TRDN: variants seen among roughly 807,000 people sequenced by gnomAD.
TRDN encodes the protein triadin, also known as triadin in skeletal muscle.
In TRDN, 161 loss-of-function variants were observed where a neutral mutation model predicts 149.7. The ratio of observed to expected loss-of-function variants is 1.08; its 90% CI spans 0.95 to 1.23. The LOEUF (loss-of-function observed/expected upper bound fraction) is 1.23. TRDN is among the 50% of genes most tolerant of loss of function. The pLI is 0.00. For missense variants in TRDN, 896 were observed against 823.5 expected, an observed-to-expected ratio of 1.09 and a Z score of -1.08; for synonymous variants, 294 against 250.5, an observed-to-expected ratio of 1.17 and a Z score of -1.64.
At chr6:123,226,144 T>A (rs1775354405) in intron 38 of TRDN, among the ~76,000 whole-genome samples, 1 of 151,820 alleles carries the variant, frequency 6.6e-6, no homozygotes, top group Admixed American at 6.6e-5. Flanking sequence ...GTAAATAATA[T>A]TTAAACATAG....
At position 123,625,466 on chromosome 6, in the gene TRDN, T is replaced by A. The variant is rs1279496007; in HGVS notation, c.22+11288A>T. 2.0e-5 allele frequency among the ~76,000 whole-genome samples: 3 copies of A among 152,158 alleles called. No individual in the cohort carries two copies. In the East Asian group the frequency reaches 5.8e-4, roughly 29 times the overall value. On this transcript the variant is annotated intron_variant, in intron 1 of 40. Coordinates refer to ENST00000334268, the MANE Select transcript of TRDN (RefSeq NM_006073.4). Reference sequence around the variant, plus strand: ...GCAGTGTAAGACCTTAATTTAAAAATACTTTGTTGGTGGGGATGGTTAATG... The same window carrying A: ...GCAGTGTAAGACCTTAATTTAAAAAAACTTTGTTGGTGGGGATGGTTAATG...
Position 123,254,311 on chromosome 6 carries a change from C to T in TRDN, c.1951+770G>A, listed in dbSNP as rs1024736154. Among the ~76,000 whole-genome samples, 8 of 151,868 alleles carry T rather than the reference C, an allele frequency of 5.3e-5. No homozygotes were observed. In the South Asian group the frequency reaches 1.5e-3, roughly 28 times the overall value. On this transcript the variant is annotated intron_variant, in intron 37 of 40. Coordinates refer to ENST00000334268, the MANE Select transcript of TRDN (RefSeq NM_006073.4). ...AATTATGAATACATTAATAATTTTACGTGTGAAAGGTATGTCTAGATATGT... is the reference window on the plus strand; with the variant it reads ...AATTATGAATACATTAATAATTTTATGTGTGAAAGGTATGTCTAGATATGT...
chr6:123,459,664 A>G (rs943650438), intron 10 of TRDN, among the ~76,000 whole-genome samples: 4 of 152,196 alleles, frequency 2.6e-5, no homozygotes, highest in Non-Finnish European at 5.9e-5. Context: ...CAGGGACCCC[A>G]ATACACCCAG....
intron 1 of TRDN, among the ~76,000 whole-genome samples, chr6:123,632,117 T>G (rs1374673762): frequency 6.6e-6 from 1 of 152,074 alleles, no homozygotes; most frequent in Non-Finnish European, 1.5e-5. Flanking sequence ...ACTTTTTACA[T>G]TTCTTTTCAT....
chr6:123,457,950 T>G (rs1404507146), intron 10 of TRDN, among the ~76,000 whole-genome samples: 1 of 152,174 alleles, frequency 6.6e-6, no homozygotes, highest in African/African-American at 2.4e-5. Flanking sequence ...TACTAAATCC[T>G]ACTAGTAAAT....
chr6:123,235,443 G>T (rs1399254422), intron 38 of TRDN, among the ~76,000 whole-genome samples: 1 of 152,066 alleles, frequency 6.6e-6, no homozygotes, highest in Non-Finnish European at 1.5e-5. Flanking sequence ...GAGCAAGACA[G>T]GGTCAGTAAA....
At chr6:123,534,210 A>T (rs770013729) in intron 4 of TRDN, among the ~76,000 whole-genome samples, 7 of 152,184 alleles carry the variant, frequency 4.6e-5, no homozygotes, top group African/African-American at 7.2e-5. Context: ...AACTATTTTT[A>T]ACTGAAATAT....
At position 123,259,002 on chromosome 6, in the gene TRDN, A is replaced by G. The variant is rs1776658887; in HGVS notation, c.1870+622T>C. On this transcript the variant is annotated intron_variant, in intron 35 of 40. Transcript: ENST00000334268. ...GGTGATATCCCCTTTGTTATTTTTT[A>G]TTGTGTCTATTTGATTCTTCTCTCT... 2.0e-5 allele frequency among the ~76,000 whole-genome samples: 3 copies of G among 151,620 alleles called. No homozygotes were observed. In the South Asian group the frequency reaches 6.3e-4, roughly 32 times the overall value.
intron 38 of TRDN, among the ~76,000 whole-genome samples, chr6:123,229,147 AT>A (rs1316235777): frequency 6.6e-6 from 1 of 151,880 alleles, no homozygotes; most frequent in East Asian, 1.9e-4. Flanking sequence ...CAGTGAATCC[AT>A]CCTCCTATCC....
intron 23 of TRDN, among the ~76,000 whole-genome samples, chr6:123,320,745 TTA>T (rs1307774999): frequency 5.9e-5 from 9 of 152,132 alleles, no homozygotes; most frequent in Admixed American, 5.3e-4. Context: ...TCTGTCTATA[TTA>T]TCTATGTTGT....
At position 123,273,058 on chromosome 6, in the gene TRDN, G is replaced by C. The variant is rs748754422; in HGVS notation, c.1625-47C>G. On this transcript the variant is annotated intron_variant, in intron 28 of 40. Coordinates refer to ENST00000334268, the MANE Select transcript of TRDN (RefSeq NM_006073.4). ...TCTTTTTTAGGTATTTAGAAGCTGG[G>C]AAAATAGCTAGCAGATTTTAGCAAA... 13 of 1,288,570 alleles carry C rather than the reference G, an allele frequency of 1.0e-5. No homozygotes were observed. The South Asian group carries it at 1.5e-4, about 15-fold the overall frequency. The allele number at this position is 1,288,570 out of a possible 1,614,324, so 79.8% of individuals were successfully genotyped here. A position where few individuals can be genotyped will look rare whatever the true frequency, so the allele number is the denominator to read the frequency against.
intron 12 of TRDN, among the ~76,000 whole-genome samples, chr6:123,400,188 T>TATATATATATATATATAA (rs1488784629): frequency 6.8e-6 from 1 of 146,656 alleles, no homozygotes; most frequent in Non-Finnish European, 1.5e-5. Flanking sequence ...TATATATATA[T>TATATATATATATATATAA]AAACACACAC....
At chr6:123,312,691 T>C (rs544053688) in intron 24 of TRDN, among the ~76,000 whole-genome samples, 7 of 151,984 alleles carry the variant, frequency 4.6e-5, no homozygotes, top group Non-Finnish European at 8.8e-5. Flanking sequence ...ATTTCTAGCT[T>C]AAATATATTA....
At chr6:123,240,277 A>T (rs1775942587) in intron 38 of TRDN, among the ~76,000 whole-genome samples, 1 of 151,920 alleles carries the variant, frequency 6.6e-6, no homozygotes, top group East Asian at 1.9e-4. Context: ...GGAATAATTT[A>T]TATTAGTAAG....
chr6:123,311,889 A>T (rs1397827943), intron 24 of TRDN, among the ~76,000 whole-genome samples: 3 of 151,992 alleles, frequency 2.0e-5, no homozygotes. Flanking sequence ...AATAGACAGT[A>T]GATATGGCAA....
intron 1 of TRDN, among the ~76,000 whole-genome samples, chr6:123,586,828 C>A (rs1783512955): frequency 6.6e-6 from 1 of 151,692 alleles, no homozygotes; most frequent in South Asian, 2.1e-4. Context: ...GGGGTTCTTA[C>A]CCTCCAGAAA....
At chr6:123,527,976 T>C (rs370421398) in intron 5 of TRDN, among the ~76,000 whole-genome samples, 1 of 151,992 alleles carries the variant, frequency 6.6e-6, no homozygotes, top group East Asian at 1.9e-4. Flanking sequence ...ACATAATAAG[T>C]ATTCATTGCC....
At chr6:123,246,551 A>C (rs1776188829) in intron 38 of TRDN, among the ~76,000 whole-genome samples, 1 of 152,114 alleles carries the variant, frequency 6.6e-6, no homozygotes, top group Non-Finnish European at 1.5e-5. Flanking sequence ...CAAATCCCTG[A>C]ATAGACCAAT....
At chr6:123,253,290 C>G (rs912738096) in intron 37 of TRDN, among the ~76,000 whole-genome samples, 1 of 151,974 alleles carries the variant, frequency 6.6e-6, no homozygotes, top group Non-Finnish European at 1.5e-5. Flanking sequence ...TCCATTCTAA[C>G]ATTAGTCTCA....
Sources: allele counts gnomAD v4.1 joint callset (sites outside exome capture counted in the v4.1 genomes callset), GRCh38; gene constraint gnomAD v4.1.1; transcripts MANE v1.5; gene names NCBI Gene and HGNC (gene_info 2026-07-23, HGNC 2026-07-21).